Variants in BIRC6 observed in about 807,000 individuals in gnomAD.
The protein encoded by BIRC6 is dual E2 ubiquitin-conjugating enzyme/E3 ubiquitin-protein ligase BIRC6.
A neutral mutation model predicts 503.3 loss-of-function variants in BIRC6; 98 were observed. That is an observed-to-expected ratio of 0.19 (90% CI 0.17 to 0.23). The LOEUF (loss-of-function observed/expected upper bound fraction) is 0.23. Ranked by LOEUF, BIRC6 falls within the 10% of genes least tolerant of loss-of-function variation. BIRC6 has a pLI of 1.00. For synonymous variants in BIRC6, 2,240 were observed against 2,078.7 expected, an observed-to-expected ratio of 1.08 and a Z score of -2.11; for missense variants, 5,360 against 5,806.0, an observed-to-expected ratio of 0.92 and a Z score of 2.50.
chr2:32,491,666 TA>T (rs2051727717), intron 44 of BIRC6, 108 bp downstream of exon 44: 3 of 1,133,662 alleles, frequency 2.6e-6, no homozygotes, highest in Non-Finnish European at 3.6e-6. Flanking sequence ...AATAGCCTTT[TA>T]TGTATCAATA....
chr2:32,431,067 A>G lies in BIRC6; in HGVS notation c.3225A>G (p.Arg1075=), dbSNP rs751324111. 1 of 1,612,534 alleles carries G rather than the reference A, an allele frequency of 6.2e-7. No individual in the cohort carries two copies. The highest frequency in any genetic ancestry group is 1.7e-5 in the Admixed American group (1 of 59,910). Residue 1075 remains arginine (R), a synonymous_variant, in exon 12 of 74, where the codon CGA becomes CGG. Coordinates refer to ENST00000421745, the MANE Select transcript of BIRC6 (RefSeq NM_016252.4). ...QHHGDAAQHT[R]TWKLQTDSNS... ...ATGGTGATGCTGCTCAGCATACTCG[A>G]ACTTGGAAACTACAGACCGACAGGT...
intron 37 of BIRC6, 25 bp from the exon 38 acceptor site, chr2:32,481,295 T>C (rs779340011): frequency 6.5e-7 from 1 of 1,532,358 alleles, no homozygotes; most frequent in Non-Finnish European, 8.8e-7. Context: ...ACTCCACCAA[T>C]AAGATCACTT....
chr2:32,477,760 T>C (rs940029365), intron 35 of BIRC6, among the ~76,000 whole-genome samples, 177 bp downstream of exon 35: 4 of 150,664 alleles, frequency 2.7e-5, no homozygotes, highest in African/African-American at 9.7e-5. Context: ...AAAAGTGACT[T>C]ATAGGTTAAT....
chr2:32,381,685 A>T (rs2037684368), intron 3 of BIRC6, among the ~76,000 whole-genome samples: 2 of 151,888 alleles, frequency 1.3e-5, no homozygotes, highest in South Asian at 4.2e-4. Flanking sequence ...AGCTGGGATT[A>T]TAGGCACACG....
At chr2:32,374,928 C>CT (rs2149327590) in intron 1 of BIRC6, among the ~76,000 whole-genome samples, 1 of 152,136 alleles carries the variant, frequency 6.6e-6, no homozygotes, top group East Asian at 1.9e-4. Flanking sequence ...ATTGAAATTC[C>CT]GTTAAATCTG....
intron 44 of BIRC6, 41 bp from the exon 45 acceptor site, chr2:32,493,499 T>C (rs2052013945): frequency 3.9e-6 from 6 of 1,531,360 alleles, no homozygotes; most frequent in African/African-American, 1.4e-5. Context: ...TTTTACATGT[T>C]ACCAGTAAGC....
chr2:32,389,192 C>T (rs1372228244), intron 4 of BIRC6, among the ~76,000 whole-genome samples: 1 of 151,780 alleles, frequency 6.6e-6, no homozygotes, highest in Non-Finnish European at 1.5e-5. Flanking sequence ...ATTATAAAGC[C>T]ACATTTTGGA....
intron 37 of BIRC6, among the ~76,000 whole-genome samples, chr2:32,481,043 T>C (rs2050345258): frequency 6.6e-6 from 1 of 152,192 alleles, no homozygotes; most frequent in Admixed American, 6.5e-5. Context: ...ATAGAATGTA[T>C]ATTATTTAGT....
chr2:32,509,742 G>A lies in BIRC6; in HGVS notation c.9985G>A (p.Gly3329Arg), dbSNP rs750840079. 3 of 1,613,906 alleles carry A rather than the reference G, an allele frequency of 1.9e-6. No homozygotes were observed. The highest frequency in any genetic ancestry group is 2.5e-6 in the Non-Finnish European group (3 of 1,179,854). ...SEDQVSKTSI[G>R]WLRLLHHCLT... ...CAAGTCATTTTGTATTTTCAGTATT[G>A]GATGGTTACGGTTATTACATCATTG... Residue 3329 changes from glycine (G) to arginine (R), a missense_variant, in exon 52 of 74, where the codon GGA becomes AGA. Transcript: ENST00000421745.
chr2:32,417,546 A>G (rs1316191352), intron 10 of BIRC6, among the ~76,000 whole-genome samples: 1 of 152,210 alleles, frequency 6.6e-6, no homozygotes, highest in Admixed American at 6.5e-5. Flanking sequence ...TTGATTGTCT[A>G]GCAGGAATTT....
chr2:32,366,489 T>G (rs541977580), intron 1 of BIRC6, among the ~76,000 whole-genome samples: 1 of 152,336 alleles, frequency 6.6e-6, no homozygotes, highest in Non-Finnish European at 1.5e-5. Context: ...TCTCTAGTTG[T>G]AACTATACTT....
intron 35 of BIRC6, among the ~76,000 whole-genome samples, 152 bp downstream of exon 35, chr2:32,477,735 CA>C (rs35168398): frequency 0.032 from 3,447 of 108,600 alleles, 60 homozygotes; most frequent in African/African-American, 0.086. Context: ...CCCGTCTCTA[CA>C]AAAAAAAAAA....
At chr2:32,446,738 G>GTTTTTTTTTTT (rs58232090) in intron 21 of BIRC6, among the ~76,000 whole-genome samples, 70 of 34,866 alleles carry the variant, frequency 2.0e-3, no homozygotes, top group East Asian at 8.1e-3. Context: ...CCTCTGCGCT[G>GTTTTTTTTTTT]TTTTTTTTTT....
intron 1 of BIRC6, among the ~76,000 whole-genome samples, chr2:32,360,630 T>TCTTAA (rs2033922475): frequency 1.3e-5 from 2 of 152,218 alleles, no homozygotes; most frequent in Non-Finnish European, 2.9e-5. Context: ...CTAGAGCGTA[T>TCTTAA]CTTAACTTCC....
intron 9 of BIRC6, among the ~76,000 whole-genome samples, chr2:32,412,541 A>G (rs907548958): frequency 1.3e-5 from 2 of 151,938 alleles, no homozygotes; most frequent in African/African-American, 4.8e-5. Context: ...GAATAAGATG[A>G]TATAATGTAA....
At chr2:32,445,371 C>G (rs2045851257) in intron 20 of BIRC6, 150 bp from the exon 21 acceptor site, 1 of 754,668 alleles carries the variant, frequency 1.3e-6, no homozygotes, top group Admixed American at 3.6e-5. Context: ...AAGGAGTTAT[C>G]TTTGTAAATT....
chr2:32,476,488 T>C lies in BIRC6; in HGVS notation c.6852+144T>C, dbSNP rs574286241. The C allele has an allele frequency of 5.6e-6, 4 of 709,406 alleles. No individual in the cohort carries two copies. In the South Asian group the frequency reaches 9.3e-5, roughly 16 times the overall value. 43.9% of individuals were successfully genotyped at this position (709,406 alleles called of 1,614,324 possible). On this transcript the variant is annotated intron_variant, in intron 34 of 73. Transcript: ENST00000421745. Reference sequence around the variant, plus strand: ...TGGACTTTTTTTTGGTGGGGTAGTTTAACTGAAGGAAATGTATGATAAATG... The same window carrying C: ...TGGACTTTTTTTTGGTGGGGTAGTTCAACTGAAGGAAATGTATGATAAATG...
intron 24 of BIRC6, 62 bp from the exon 25 acceptor site, chr2:32,464,447 A>G: frequency 1.4e-6 from 2 of 1,466,782 alleles, no homozygotes; most frequent in Non-Finnish European, 1.8e-6. Flanking sequence ...TCCATGTGGT[A>G]TTCTGCCACA....
chr2:32,601,332 A>G (rs569483769), intron 70 of BIRC6, among the ~76,000 whole-genome samples: 1 of 152,380 alleles, frequency 6.6e-6, no homozygotes, highest in East Asian at 1.9e-4. Context: ...CTATAATCCC[A>G]GCACTTTGGG....
Sources: allele counts gnomAD v4.1 joint callset (sites outside exome capture counted in the v4.1 genomes callset), GRCh38; gene constraint gnomAD v4.1.1; transcripts MANE v1.5; gene names NCBI Gene and HGNC (gene_info 2026-07-23, HGNC 2026-07-21).